The following H2BC26 variants were observed in gnomAD, a reference collection of about 807,000 sequenced individuals.
H2BC26 encodes H2B clustered histone 26, also known as histone H2B type 3-B.
chr1:228,458,119 A>C, the H2BC26 span: 2 of 1,577,384 alleles, frequency 1.3e-6, no homozygotes, highest in Non-Finnish European at 8.6e-7. Context: ...GTTTGGAGAG[A>C]CTCAGCCATC....
chr1:228,458,138 C>T, the H2BC26 span: 27 of 1,604,404 alleles, frequency 1.7e-5, no homozygotes, highest in East Asian at 5.6e-4. Flanking sequence ...TCATGCCAGA[C>T]CCGTCCAAAT....
At chr1:228,458,473 G>T in the H2BC26 span, 35 of 1,614,044 alleles carry the variant, frequency 2.2e-5, 2 homozygotes, top group South Asian at 3.5e-4. Context: ...GTGTCCGAGG[G>T]CACCAAGGCT....
the H2BC26 span, chr1:228,458,195 A>T: frequency 6.2e-7 from 1 of 1,614,080 alleles, no homozygotes; most frequent in Non-Finnish European, 8.5e-7. Context: ...TCACCAAGGC[A>T]CAGAAGAAGG....
chr1:228,458,126 C>CATG, the H2BC26 span: 1 of 1,585,822 alleles, frequency 6.3e-7, no homozygotes, highest in Non-Finnish European at 8.6e-7. Flanking sequence ...GAGACTCAGC[C>CATG]ATCATGCCAG....
the H2BC26 span, chr1:228,458,154 C>CT: frequency 6.2e-7 from 1 of 1,610,292 alleles, no homozygotes; most frequent in Non-Finnish European, 8.5e-7. Flanking sequence ...CAAATCGGCT[C>CT]CTGCGCCCAA....
the H2BC26 span, chr1:228,458,136 G>A: frequency 1.2e-6 from 2 of 1,603,760 alleles, no homozygotes; most frequent in South Asian, 1.1e-5. Context: ...CATCATGCCA[G>A]ACCCGTCCAA....
At chr1:228,458,375 A>T in the H2BC26 span, 4 of 1,614,214 alleles carry the variant, frequency 2.5e-6, no homozygotes, top group South Asian at 1.1e-5. Flanking sequence ...CCCGCCTGGC[A>T]CACTACAACA....
At chr1:228,458,373 G>T in the H2BC26 span, 17 of 1,614,088 alleles carry the variant, frequency 1.1e-5, no homozygotes, top group Non-Finnish European at 1.4e-5. Flanking sequence ...CTCCCGCCTG[G>T]CACACTACAA....
At chr1:228,458,512 G>T in the H2BC26 span, 1 of 1,614,154 alleles carries the variant, frequency 6.2e-7, no homozygotes, top group South Asian at 1.1e-5. Flanking sequence ...TCCAAGTGAG[G>T]CGTTCCTCGG....
the H2BC26 span, chr1:228,458,225 C>T: frequency 2.6e-5 from 42 of 1,614,064 alleles, no homozygotes; most frequent in East Asian, 3.8e-4. Flanking sequence ...AGCGCAAGCG[C>T]GGCCGCAAGG....
chr1:228,458,521 G>A, the H2BC26 span: 21 of 1,614,116 alleles, frequency 1.3e-5, 1 homozygote, highest in East Asian at 2.5e-4. Context: ...GGCGTTCCTC[G>A]GCGTCCTGAA....
chr1:228,458,158 C>A, the H2BC26 span: 1 of 1,610,560 alleles, frequency 6.2e-7, no homozygotes, highest in Non-Finnish European at 8.5e-7. Context: ...TCGGCTCCTG[C>A]GCCCAAGAAG....
chr1:228,458,485 T>G, the H2BC26 span: 1 of 1,614,190 alleles, frequency 6.2e-7, no homozygotes, highest in Admixed American at 1.7e-5. Flanking sequence ...ACCAAGGCTG[T>G]CACCAAGTAC....
At chr1:228,458,361 G>A in the H2BC26 span, 2 of 1,614,222 alleles carry the variant, frequency 1.2e-6, no homozygotes, top group Admixed American at 1.7e-5. Flanking sequence ...CGCCAGCGAG[G>A]CCTCCCGCCT....
the H2BC26 span, chr1:228,458,256 T>A: frequency 6.2e-7 from 1 of 1,614,154 alleles, no homozygotes; most frequent in East Asian, 2.2e-5. Context: ...TATCTACGTG[T>A]ACAAGGTGCT....
chr1:228,458,239 G>C, the H2BC26 span: 19 of 1,614,106 alleles, frequency 1.2e-5, no homozygotes, highest in Non-Finnish European at 1.6e-5. Context: ...CGCAAGGAGA[G>C]CTATTCTATC....
At chr1:228,458,523 C>A in the H2BC26 span, 1 of 1,614,100 alleles carries the variant, frequency 6.2e-7, no homozygotes, top group Non-Finnish European at 8.5e-7. Flanking sequence ...CGTTCCTCGG[C>A]GTCCTGAACC....
the H2BC26 span, chr1:228,458,249 C>G: frequency 4.3e-6 from 7 of 1,614,110 alleles, no homozygotes; most frequent in Non-Finnish European, 5.9e-6. Context: ...GCTATTCTAT[C>G]TACGTGTACA....
the H2BC26 span, chr1:228,458,139 C>G: frequency 1.9e-6 from 3 of 1,604,690 alleles, no homozygotes; most frequent in Non-Finnish European, 2.6e-6. Flanking sequence ...CATGCCAGAC[C>G]CGTCCAAATC....
Sources: allele counts gnomAD v4.1 joint callset, GRCh38; gene constraint gnomAD v4.1.1; transcripts MANE v1.5; gene names NCBI Gene and HGNC (gene_info 2026-07-23, HGNC 2026-07-21).